SENP1: variants seen among roughly 807,000 people sequenced by gnomAD.
SENP1 encodes SUMO specific peptidase 1.
Under a neutral mutation model 93.0 loss-of-function variants are expected in SENP1, and 21 were observed. That is an observed-to-expected ratio of 0.23 (90% CI 0.16 to 0.33). The LOEUF (loss-of-function observed/expected upper bound fraction) is 0.33, where lower values mean the gene tolerates loss of function less well. SENP1 is among the 10% of genes least tolerant of loss of function. SENP1 has a pLI of 1.00. For synonymous variants in SENP1, 256 were observed against 259.6 expected, an observed-to-expected ratio of 0.99 and a Z score of 0.13; for missense variants, 591 against 758.7, an observed-to-expected ratio of 0.78 and a Z score of 2.60.
chr12:48,095,301 G>C (rs1038156061), intron 4 of SENP1, among the ~76,000 whole-genome samples: 3 of 151,914 alleles, frequency 2.0e-5, no homozygotes, highest in Non-Finnish European at 4.4e-5. Flanking sequence ...CTTTGGGAGG[G>C]GGAGCCAGGC....
chr12:48,078,362 C>G (rs1473878269), intron 6 of SENP1, among the ~76,000 whole-genome samples: 6 of 62,182 alleles, frequency 9.6e-5, no homozygotes, highest in Non-Finnish European at 2.0e-4. Flanking sequence ...TACACACACA[C>G]ACATACACAT....
At chr12:48,105,533 A>T (rs1322673823) in intron 1 of SENP1, 13 of 513,150 alleles carry the variant, frequency 2.5e-5, no homozygotes, top group African/African-American at 5.8e-5. Context: ...ACCACAGAGT[A>T]GGAGAGTTGG....
chr12:48,105,520 G>A, intron 1 of SENP1: 6 of 518,852 alleles, frequency 1.2e-5, no homozygotes, highest in Non-Finnish European at 2.3e-5. Flanking sequence ...ATCTCAGGGA[G>A]ATACCACAGA....
chr12:48,056,057 A>C (rs1244586441), intron 13 of SENP1, among the ~76,000 whole-genome samples: 1 of 126,068 alleles, frequency 7.9e-6, no homozygotes, highest in Non-Finnish European at 1.5e-5. Flanking sequence ...TATACTGTAT[A>C]CTTAATATAC....
At chr12:48,098,319 A>G (rs1003767709) in intron 2 of SENP1, among the ~76,000 whole-genome samples, 195 bp from the exon 3 acceptor site, 2 of 151,116 alleles carry the variant, frequency 1.3e-5, no homozygotes, top group Non-Finnish European at 2.9e-5. Context: ...TAGGCAACAT[A>G]GTAAGACCCT....
chr12:48,089,474 T>C (rs1402835760), intron 4 of SENP1, among the ~76,000 whole-genome samples: 1 of 152,274 alleles, frequency 6.6e-6, no homozygotes, highest in East Asian at 1.9e-4. Flanking sequence ...CTGCTTATTC[T>C]GGTTGGCTTA....
intron 4 of SENP1, among the ~76,000 whole-genome samples, chr12:48,095,062 C>A (rs1945463875): frequency 6.6e-6 from 1 of 152,054 alleles, no homozygotes; most frequent in African/African-American, 2.4e-5. Flanking sequence ...AAGTCCAGTG[C>A]CCAGGGCAGA....
At chr12:48,097,357 A>C (rs759040498) in intron 3 of SENP1, among the ~76,000 whole-genome samples, 19 of 152,224 alleles carry the variant, frequency 1.2e-4, no homozygotes, top group Admixed American at 2.6e-4. Context: ...TTTAGTGCCT[A>C]GGGCTCATGG....
At chr12:48,092,286 G>C (rs1945272408) in intron 4 of SENP1, among the ~76,000 whole-genome samples, 1 of 152,100 alleles carries the variant, frequency 6.6e-6, no homozygotes, top group Non-Finnish European at 1.5e-5. Context: ...CAAGAGGTAA[G>C]GCACAAAGTG....
intron 6 of SENP1, among the ~76,000 whole-genome samples, chr12:48,078,334 T>TATATATAC: frequency 8.8e-5 from 6 of 67,902 alleles, no homozygotes; most frequent in African/African-American, 2.4e-4. Context: ...TATATATATA[T>TATATATAC]ACACACACAT....
chr12:48,083,693 A>G lies in SENP1; in HGVS notation c.450T>C (p.Phe150=). ...HCHVSAYEKS[F]PIKPVPSPSW... is the part of the protein sequence containing the mutation. ...ATGGACTTGGAACAGGTTTAATAGGAAAAGATTTTTCATATGCAGATACAT... is the reference window on the plus strand; with the variant it reads ...ATGGACTTGGAACAGGTTTAATAGGGAAAGATTTTTCATATGCAGATACAT... Residue 150 remains phenylalanine (F), a synonymous_variant, in exon 6 of 18, where the codon TTT becomes TTC. Coordinates refer to ENST00000549518, the MANE Select transcript of SENP1 (RefSeq NM_001267594.2). 6.2e-7 allele frequency: 1 copy of G among 1,613,494 alleles called. No homozygotes were observed. The highest frequency in any genetic ancestry group is 8.5e-7 in the Non-Finnish European group (1 of 1,179,620).
At chr12:48,088,755 T>C (rs1186667257) in intron 5 of SENP1, 46 bp downstream of exon 5, 7 of 1,560,008 alleles carry the variant, frequency 4.5e-6, no homozygotes, top group Non-Finnish European at 6.1e-6. Context: ...TCACTTTCTC[T>C]TATGTCTGAG....
intron 4 of SENP1, among the ~76,000 whole-genome samples, chr12:48,090,749 A>G (rs986731685): frequency 2.6e-5 from 4 of 152,168 alleles, no homozygotes; most frequent in African/African-American, 9.7e-5. Context: ...GGTGCATACC[A>G]TCATACATGC....
intron 5 of SENP1, among the ~76,000 whole-genome samples, chr12:48,087,046 C>A (rs570398163): frequency 1.3e-5 from 2 of 150,676 alleles, no homozygotes; most frequent in Non-Finnish European, 3.0e-5. Context: ...CTCAACAAAA[C>A]AAAAAAACAA....
Position 48,065,616 on chromosome 12 carries a change from C to G in SENP1, c.1099G>C (p.Ala367Pro). 1 of 1,558,382 alleles carries G rather than the reference C, an allele frequency of 6.4e-7. No individual in the cohort carries two copies. Among genetic ancestry groups the G allele is most frequent in the Non-Finnish European group, 8.7e-7 (1 of 1,149,164 alleles). Reference protein sequence around the residue: ...LRQIEEQKALALQLQNQRLQE... With the variant: ...LRQIEEQKALPLQLQNQRLQE... Reference sequence around the variant, plus strand: ...TTTACCTGGTTTTGAAGCTGTAAGGCCAATGCCTTCTGTTCTTCAATCTGG... The same window carrying G: ...TTTACCTGGTTTTGAAGCTGTAAGGGCAATGCCTTCTGTTCTTCAATCTGG... Residue 367 changes from alanine to proline, a missense_variant, in exon 11 of 18, where the codon GCC (alanine) becomes CCC (proline). Ala to Pro is a conservative substitution (Grantham distance 27). Around this residue, in one of 4 missense-constraint regions of SENP1, gnomAD observed 238 missense variants for 259.1 expected, o/e 0.92. Coordinates refer to ENST00000549518, the MANE Select transcript of SENP1 (RefSeq NM_001267594.2).
At chr12:48,094,612 G>C (rs11830088) in intron 4 of SENP1, among the ~76,000 whole-genome samples, 1 of 151,894 alleles carries the variant, frequency 6.6e-6, no homozygotes, top group Admixed American at 6.6e-5. Flanking sequence ...CCCAGGAGGC[G>C]GAGGTTGCAG....
At chr12:48,071,645 A>G (rs755929204) in intron 9 of SENP1, 22 bp downstream of exon 9, 12 of 1,536,962 alleles carry the variant, frequency 7.8e-6, no homozygotes, top group Non-Finnish European at 9.9e-6. Flanking sequence ...TTAATAAAGA[A>G]CAAGCTTTTT....
Position 48,088,027 on chromosome 12 carries a change from A to G in SENP1, c.380+774T>C, listed in dbSNP as rs181699660. Among the ~76,000 whole-genome samples, 7 of 152,188 alleles carry G rather than the reference A, an allele frequency of 4.6e-5. No individual in the cohort carries two copies. The East Asian group carries it at 1.2e-3, about 25-fold the overall frequency. Reference sequence around the variant, plus strand: ...GTTAGATAGAGCTTATAAAGTTGGAATAACTAGCATAAAGTTCTCTGTGAC... The same window carrying G: ...GTTAGATAGAGCTTATAAAGTTGGAGTAACTAGCATAAAGTTCTCTGTGAC... On this transcript the variant is annotated intron_variant, in intron 5 of 17. Transcript: ENST00000549518.
At position 48,074,416 on chromosome 12, in the gene SENP1, G is replaced by C. The variant is rs1943920430; in HGVS notation, c.848C>G (p.Ser283Cys). The change falls in exon 8 of 18, where the codon TCC becomes TGC. Residue 283 changes from serine to cysteine, a missense_variant. This residue lies in a region of SENP1 where 238 missense variants were observed against 259.1 expected (regional missense o/e 0.92). Transcript: ENST00000549518. ...SSYTPDVAFGSKDSGTLHHPH... is the reference protein window; with the variant it reads ...SSYTPDVAFGCKDSGTLHHPH... The stretch of plus-strand genomic sequence containing the variant: ...ATGATGAAGAGTACCAGAATCTTTG[G>C]ATCCAAATGCAACATCTGGGGTATA... The C allele has an allele frequency of 6.2e-7, 1 of 1,613,702 alleles. No homozygotes were observed. The highest frequency in any genetic ancestry group is 8.5e-7 in the Non-Finnish European group (1 of 1,179,672).
Sources: gnomAD v4.1 joint callset for allele counts (sites outside exome capture counted in the v4.1 genomes callset) on GRCh38, gnomAD v4.1.1 for gene constraint, gnomAD v4.1.1 regional missense constraint, MANE v1.5 for transcripts, NCBI Gene and HGNC (gene_info 2026-07-23, HGNC 2026-07-21) for gene names.